MAK: variants seen among roughly 807,000 people sequenced by gnomAD.
MAK encodes the protein male germ cell associated kinase.
Under a neutral mutation model 82.6 loss-of-function variants are expected in MAK, and 65 were observed. The observed-to-expected ratio is 0.79, with a 90% CI of 0.64 to 0.97. The LOEUF is 0.97. MAK is among the 50% of genes least tolerant of loss of function. MAK has a pLI of 0.00. For synonymous variants in MAK, 250 were observed against 274.2 expected (o/e 0.91, Z 0.87); for missense variants, 703 against 780.2 (o/e 0.90, Z 1.18).
chr6:10,804,297 TTTATCAG>T (rs1027049440), intron 6 of MAK, among the ~76,000 whole-genome samples: 6 of 152,228 alleles, frequency 3.9e-5, no homozygotes, highest in African/African-American at 1.4e-4. Context: ...GGAGTTTTTT[TTTATCAG>T]TTTGAAAGTA....
Position 10,813,128 on chromosome 6 carries a change from ATATATAAATTTTTTTTTTTTT to A in MAK, c.358+495_358+515del, listed in dbSNP as rs1777161458. Among the ~76,000 whole-genome samples, 2 of 682 alleles carry A rather than the reference ATATATAAATTTTTTTTTTTTT, an allele frequency of 2.9e-3. 1 individual carries two copies. The highest frequency in any genetic ancestry group is 9.8e-3 in the African/African-American group (2 of 204). 0.4% of individuals were successfully genotyped at this position (682 alleles called of 152,430 possible). On this transcript the variant is annotated intron_variant, in intron 5 of 14. Coordinates refer to ENST00000354489, the MANE Select transcript of MAK (RefSeq NM_001242957.3). Reference sequence around the variant, plus strand: ...TATATATATATATATATATATATATATATATAAATTTTTTTTTTTTTTTTTTTTTTTTTTTTTTGAGATGGA... The same window carrying A: ...TATATATATATATATATATATATATATTTTTTTTTTTTTTTTTGAGATGGA...
At chr6:10,830,188 C>T (rs919273561) in intron 2 of MAK, among the ~76,000 whole-genome samples, 3 of 140,150 alleles carry the variant, frequency 2.1e-5, no homozygotes, top group African/African-American at 5.4e-5. Context: ...TATTTTTAGA[C>T]GGAGTCTCAC....
At chr6:10,806,172 C>A (rs1428008396) in intron 6 of MAK, among the ~76,000 whole-genome samples, 1 of 71,496 alleles carries the variant, frequency 1.4e-5, no homozygotes, top group African/African-American at 5.2e-5. Flanking sequence ...ACCCCGCCAT[C>A]TTTTCTTTTT....
chr6:10,815,912 G>GTATATATATATATATATATATATATATA (rs3064109), intron 4 of MAK, among the ~76,000 whole-genome samples: 12 of 108,332 alleles, frequency 1.1e-4, no homozygotes, highest in African/African-American at 4.1e-4. Flanking sequence ...GCTTTATACA[G>GTATATATATATATATATATATATATATA]TATATATATA....
chr6:10,833,096 C>T (rs938306742), intron 1 of MAK, among the ~76,000 whole-genome samples: 11 of 152,122 alleles, frequency 7.2e-5, no homozygotes, highest in Non-Finnish European at 1.3e-4. Context: ...ATAGAAATTG[C>T]TCCTCTATTA....
Position 10,808,958 on chromosome 6 carries a change from A to G in MAK, c.359-16T>C. On this transcript the variant is annotated splice_polypyrimidine_tract_variant and intron_variant, in intron 5 of 14. Coordinates refer to ENST00000354489, the MANE Select transcript of MAK (RefSeq NM_001242957.3). ...TGAAAAAAGCCTTGATGATATACGGAGAAAAAAAAATACAGTAAATCATTA... is the reference window on the plus strand; with the variant it reads ...TGAAAAAAGCCTTGATGATATACGGGGAAAAAAAAATACAGTAAATCATTA... The G allele has an allele frequency of 2.5e-6, 4 of 1,606,158 alleles. No individual in the cohort carries two copies. Among genetic ancestry groups the G allele is most frequent in the Non-Finnish European group, 3.4e-6 (4 of 1,173,216 alleles).
intron 6 of MAK, among the ~76,000 whole-genome samples, chr6:10,808,144 C>T (rs1776641039): frequency 6.6e-6 from 1 of 152,124 alleles, no homozygotes; most frequent in African/African-American, 2.4e-5. Context: ...CACATCCCCA[C>T]CCCATAGAAC....
At chr6:10,831,873 T>C (rs1268525449) in intron 1 of MAK, among the ~76,000 whole-genome samples, 2 of 152,212 alleles carry the variant, frequency 1.3e-5, no homozygotes, top group Non-Finnish European at 2.9e-5. Flanking sequence ...ACAAAGAAAC[T>C]GTTTTATTGA....
chr6:10,799,540 G>C (rs903447743), intron 8 of MAK, among the ~76,000 whole-genome samples: 1 of 152,014 alleles, frequency 6.6e-6, no homozygotes, highest in African/African-American at 2.4e-5. Context: ...AGAACTGCAC[G>C]AGACCAGGGG....
chr6:10,827,737 G>A lies in MAK; in HGVS notation c.101+2811C>T, dbSNP rs148696045. The A allele has an allele frequency of 4.0e-3, 615 of 152,316 alleles. 11 individuals carry two copies. Among genetic ancestry groups the A allele is most frequent in the Non-Finnish European group, 3.1e-3 (214 of 68,118 alleles). 9.4% of individuals were successfully genotyped at this position (152,316 alleles called of 1,614,324 possible). On this transcript the variant is annotated intron_variant, in intron 2 of 14. Transcript: ENST00000354489. ...GTCACCTAAGCTGAAGTACAGTAGTGGTGGCACTATCTTGGCTCACTGCAG... is the reference window on the plus strand; with the variant it reads ...GTCACCTAAGCTGAAGTACAGTAGTAGTGGCACTATCTTGGCTCACTGCAG...
intron 2 of MAK, 101 bp from the exon 3 acceptor site, chr6:10,819,041 G>A (rs1412075216): frequency 1.8e-5 from 13 of 725,908 alleles, no homozygotes; most frequent in South Asian, 1.3e-4. Context: ...CACTTTGGGC[G>A]AGCTATCTTT....
At chr6:10,836,088 T>C (rs896964121) in intron 1 of MAK, among the ~76,000 whole-genome samples, 7 of 152,224 alleles carry the variant, frequency 4.6e-5, no homozygotes, top group Non-Finnish European at 1.0e-4. Context: ...CCAATTGTCT[T>C]TCAACGGATG....
At chr6:10,782,166 C>T (rs1451046060) in intron 11 of MAK, among the ~76,000 whole-genome samples, 2 of 151,128 alleles carry the variant, frequency 1.3e-5, no homozygotes, top group African/African-American at 4.9e-5. Flanking sequence ...AAGATCGTGC[C>T]ACTACACTCC....
chr6:10,830,720 T>A lies in MAK; in HGVS notation c.-72A>T. 8.4e-7 allele frequency: 1 copy of A among 1,183,808 alleles called. No individual in the cohort carries two copies. The highest frequency in any genetic ancestry group is 1.3e-6 in the Non-Finnish European group (1 of 789,816). 73.3% of individuals were successfully genotyped at this position (1,183,808 alleles called of 1,614,324 possible). A position where few individuals can be genotyped will look rare whatever the true frequency, so the allele number is the denominator to read the frequency against. On this transcript the variant is annotated 5_prime_UTR_variant, in exon 2 of 15. The change creates a new upstream start codon in the 5' untranslated region. Transcript: ENST00000354489. ...TGTTGAATATAAATTTGAACGCTTCTTAATTTTTATTTGCTTTTGTCCTCA... is the reference window on the plus strand; with the variant it reads ...TGTTGAATATAAATTTGAACGCTTCATAATTTTTATTTGCTTTTGTCCTCA...
intron 11 of MAK, among the ~76,000 whole-genome samples, chr6:10,777,688 G>C (rs1329381066): frequency 6.6e-6 from 1 of 152,120 alleles, no homozygotes; most frequent in African/African-American, 2.4e-5. Flanking sequence ...GCCCAGGCTG[G>C]AGTGCAATGG....
chr6:10,806,334 T>TTTGTTTTTG, intron 6 of MAK, among the ~76,000 whole-genome samples: 1 of 148,436 alleles, frequency 6.7e-6, no homozygotes, highest in Non-Finnish European at 1.5e-5. Context: ...CCTGGCTAAT[T>TTTGTTTTTG]TTTTTTGTTT....
intron 7 of MAK, 75 bp from the exon 8 acceptor site, chr6:10,802,134 G>A (rs1012006782): frequency 8.8e-6 from 10 of 1,137,690 alleles, no homozygotes; most frequent in Non-Finnish European, 1.2e-5. Flanking sequence ...AAAAAACACA[G>A]CAGTAATATA....
chr6:10,803,406 G>C (rs149916557), intron 7 of MAK, among the ~76,000 whole-genome samples: 1 of 151,848 alleles, frequency 6.6e-6, no homozygotes. Context: ...TTGACCAGGC[G>C]TGGTGGTGCA....
At chr6:10,832,045 T>C (rs1193816592) in intron 1 of MAK, among the ~76,000 whole-genome samples, 2 of 152,234 alleles carry the variant, frequency 1.3e-5, no homozygotes, top group Non-Finnish European at 2.9e-5. Context: ...TTTTTGTCCC[T>C]GAGTCCTCAC....
Sources: allele counts gnomAD v4.1 joint callset (sites outside exome capture counted in the v4.1 genomes callset), GRCh38; gene constraint gnomAD v4.1.1; transcripts MANE v1.5; gene names NCBI Gene and HGNC (gene_info 2026-07-23, HGNC 2026-07-21).